RAPGEF6: variants seen among roughly 807,000 people sequenced by gnomAD.
RAPGEF6 encodes the protein Rap guanine nucleotide exchange factor 6.
Under a neutral mutation model 171.4 loss-of-function variants are expected in RAPGEF6, and 56 were observed. The observed-to-expected ratio is 0.33, with a 90% confidence interval of 0.26 to 0.41. RAPGEF6 has a LOEUF of 0.41. Ranked by LOEUF, RAPGEF6 falls within the 10% of genes least tolerant of loss-of-function variation. RAPGEF6 has a pLI of 1.00. For missense variants in RAPGEF6, 1,674 were observed against 1,921.4 expected (o/e 0.87, Z 2.41); for synonymous variants, 692 against 650.1 (o/e 1.06, Z -0.98).
At chr5:131,634,878 A>G in intron 1 of RAPGEF6, 84 bp downstream of exon 1, 1 of 1,471,126 alleles carries the variant, frequency 6.8e-7, no homozygotes, top group South Asian at 1.1e-5. Context: ...CTCTGGCAAG[A>G]GGGCAGTCGC....
intron 24 of RAPGEF6, chr5:131,436,472 G>T: frequency 2.6e-6 from 3 of 1,159,142 alleles, no homozygotes; most frequent in Non-Finnish European, 3.5e-6. Flanking sequence ...CTAACATCTT[G>T]ATAATATCTG....
chr5:131,440,875 A>G (rs1039332083), intron 23 of RAPGEF6, among the ~76,000 whole-genome samples: 4 of 152,170 alleles, frequency 2.6e-5, no homozygotes, highest in Admixed American at 2.6e-4. Context: ...AAATTTATCA[A>G]CTTCACCAAT....
At chr5:131,517,780 T>TACACACACACACACAC (rs36091456) in intron 7 of RAPGEF6, among the ~76,000 whole-genome samples, 1 of 140,400 alleles carries the variant, frequency 7.1e-6, no homozygotes, top group East Asian at 2.1e-4. Context: ...TTCGCGCATG[T>TACACACACACACACAC]ACACACACAC....
At chr5:131,624,927 A>C (rs985791476) in intron 1 of RAPGEF6, among the ~76,000 whole-genome samples, 2 of 152,048 alleles carry the variant, frequency 1.3e-5, no homozygotes, top group African/African-American at 4.8e-5. Flanking sequence ...GTTCGAGACC[A>C]GCCTGACCAA....
chr5:131,599,798 T>C (rs372816442), intron 3 of RAPGEF6, among the ~76,000 whole-genome samples: 67 of 152,230 alleles, frequency 4.4e-4, no homozygotes, highest in African/African-American at 1.6e-3. Context: ...AGTGCCAAAA[T>C]GAGAAAAACT....
At chr5:131,549,786 T>C (rs970228147) in intron 5 of RAPGEF6, among the ~76,000 whole-genome samples, 2 of 152,274 alleles carry the variant, frequency 1.3e-5, no homozygotes, top group South Asian at 4.1e-4. Context: ...ACTTGTGTCA[T>C]GGGATTTGTT....
chr5:131,480,770 T>C (rs573757525), intron 15 of RAPGEF6, among the ~76,000 whole-genome samples: 1 of 151,944 alleles, frequency 6.6e-6, no homozygotes, highest in Admixed American at 6.5e-5. Context: ...TGAGCCACCA[T>C]GCCCGGCCTA....
chr5:131,532,793 T>C (rs1333687133), intron 6 of RAPGEF6, among the ~76,000 whole-genome samples: 1 of 152,204 alleles, frequency 6.6e-6, no homozygotes, highest in African/African-American at 2.4e-5. Context: ...ACATGCACTG[T>C]TTACAGCTCT....
intron 15 of RAPGEF6, among the ~76,000 whole-genome samples, chr5:131,486,587 T>C (rs936054187): frequency 1.3e-5 from 2 of 152,208 alleles, no homozygotes; most frequent in Admixed American, 1.3e-4. Flanking sequence ...CTTTGTCTTT[T>C]TGTTCCATAG....
chr5:131,551,169 T>C (rs1448735753), intron 5 of RAPGEF6, among the ~76,000 whole-genome samples: 1 of 152,208 alleles, frequency 6.6e-6, no homozygotes, highest in Non-Finnish European at 1.5e-5. Flanking sequence ...ACAATAACCC[T>C]ATTACATAGC....
At chr5:131,583,732 G>C (rs1763092543) in intron 4 of RAPGEF6, among the ~76,000 whole-genome samples, 1 of 152,238 alleles carries the variant, frequency 6.6e-6, no homozygotes, top group East Asian at 1.9e-4. Flanking sequence ...CTTACTCAAG[G>C]CTTCCTGAAT....
intron 9 of RAPGEF6, among the ~76,000 whole-genome samples, chr5:131,506,370 T>G (rs1230377782): frequency 6.6e-6 from 1 of 152,148 alleles, no homozygotes; most frequent in Non-Finnish European, 1.5e-5. Flanking sequence ...TTCCTGGTGA[T>G]CCTTCCACCT....
intron 13 of RAPGEF6, among the ~76,000 whole-genome samples, chr5:131,493,856 A>G (rs139743545): frequency 6.6e-6 from 1 of 152,288 alleles, no homozygotes; most frequent in African/African-American, 2.4e-5. Context: ...CCAACACAGG[A>G]TGACTCAAAT....
rs552006127 is a variant in RAPGEF6, at chr5:131,632,268, A to AT, written c.69+2693dup. On this transcript the variant is annotated intron_variant, in intron 1 of 27. Coordinates refer to ENST00000509018, the MANE Select transcript of RAPGEF6 (RefSeq NM_016340.6). ...CTCCAGTCACACAAAGCTGCTTGCT[A>AT]TTTCTGGAATGCATCAAAACATGCT... Among the ~76,000 whole-genome samples the AT allele has an allele frequency of 1.0e-3, 156 of 152,002 alleles. 1 individual carries two copies. The highest frequency in any genetic ancestry group is 3.7e-3 in the African/African-American group (153 of 41,424).
At chr5:131,475,419 A>G (rs1755030395) in intron 16 of RAPGEF6, among the ~76,000 whole-genome samples, 1 of 152,244 alleles carries the variant, frequency 6.6e-6, no homozygotes, top group Non-Finnish European at 1.5e-5. Context: ...GAAACTAAAA[A>G]GGCTACATAA....
chr5:131,523,660 T>C (rs966387016), intron 6 of RAPGEF6, among the ~76,000 whole-genome samples: 6 of 151,966 alleles, frequency 3.9e-5, no homozygotes, highest in Non-Finnish European at 5.9e-5. Context: ...AGTGAGAGAA[T>C]GTGACATCTG....
intron 22 of RAPGEF6, among the ~76,000 whole-genome samples, chr5:131,444,804 T>C (rs1197675597): frequency 6.6e-6 from 1 of 152,104 alleles, no homozygotes; most frequent in Admixed American, 6.5e-5. Context: ...CTACATCAAA[T>C]TACCTGGGAA....
intron 6 of RAPGEF6, among the ~76,000 whole-genome samples, chr5:131,535,776 T>C (rs887959933): frequency 7.2e-5 from 11 of 152,156 alleles, no homozygotes; most frequent in African/African-American, 2.7e-4. Flanking sequence ...ATACTTAAAA[T>C]CATATTGTTT....
At chr5:131,624,932 G>A (rs148199589) in intron 1 of RAPGEF6, among the ~76,000 whole-genome samples, 2,614 of 152,166 alleles carry the variant, frequency 0.017, 53 homozygotes, top group African/African-American at 0.045. Flanking sequence ...AGACCAGCCT[G>A]ACCAACAAGG....
Sources: allele counts gnomAD v4.1 joint callset (sites outside exome capture counted in the v4.1 genomes callset), GRCh38; gene constraint gnomAD v4.1.1; transcripts MANE v1.5; gene names NCBI Gene and HGNC (gene_info 2026-07-23, HGNC 2026-07-21).